CLVS1: variants seen among roughly 807,000 people sequenced by gnomAD.
CLVS1 encodes the protein clavesin 1, also known as clavesin-1.
A neutral mutation model predicts 33.1 loss-of-function variants in CLVS1; 10 were observed. The observed-to-expected ratio is 0.30, with a 90% CI of 0.19 to 0.51. The LOEUF (loss-of-function observed/expected upper bound fraction) is 0.51. Among genes scored for constraint, CLVS1 ranks in the 20% least tolerant of loss-of-function variants. The pLI is 0.97. For synonymous variants in CLVS1, 163 were observed against 166.1 expected (o/e 0.98, Z 0.14); for missense variants, 343 against 433.4 (o/e 0.79, Z 1.85).
intron 2 of CLVS1, among the ~76,000 whole-genome samples, chr8:61,323,782 C>T (rs1348387986): frequency 6.6e-6 from 1 of 152,004 alleles, no homozygotes; most frequent in East Asian, 1.9e-4. Flanking sequence ...ACCCATTAGT[C>T]AGTTTTCTGG....
chr8:61,210,680 T>C (rs1807952255), intron 2 of CLVS1, among the ~76,000 whole-genome samples: 2 of 152,158 alleles, frequency 1.3e-5, no homozygotes, highest in Admixed American at 1.3e-4. Context: ...GCTTATGTAA[T>C]ATCTAGACTT....
At chr8:61,266,724 T>C (rs1392586052) in intron 2 of CLVS1, among the ~76,000 whole-genome samples, 2 of 152,204 alleles carry the variant, frequency 1.3e-5, no homozygotes, top group Admixed American at 6.5e-5. Context: ...ATGGTTCTTT[T>C]CCCCTCTTCC....
chr8:61,049,258 C>A, the CLVS1 span, among the ~76,000 whole-genome samples: 1 of 152,136 alleles, frequency 6.6e-6, no homozygotes, highest in Admixed American at 6.5e-5. Flanking sequence ...TGTCACATGG[C>A]CCGCCCACAA....
chr8:61,202,707 G>A (rs1807760101), intron 2 of CLVS1: 1 of 1,566,756 alleles, frequency 6.4e-7, no homozygotes, highest in African/African-American at 1.3e-5. Flanking sequence ...TAGTAGCTGT[G>A]GAGGAAGATG....
intron 1 of CLVS1, among the ~76,000 whole-genome samples, chr8:61,081,377 T>G (rs1805017167): frequency 6.6e-6 from 1 of 152,128 alleles, no homozygotes; most frequent in Admixed American, 6.5e-5. Context: ...GCAACATAAG[T>G]GTGTCCAAGC....
chr8:61,314,942 G>T (rs1222754514), intron 2 of CLVS1, among the ~76,000 whole-genome samples: 1 of 152,166 alleles, frequency 6.6e-6, no homozygotes, highest in Middle Eastern at 3.2e-3. Flanking sequence ...TAAAGTAAAT[G>T]ATCTGTAGCC....
chr8:61,266,293 CTTTTT>C (rs35496534), intron 2 of CLVS1, among the ~76,000 whole-genome samples: 1 of 139,104 alleles, frequency 7.2e-6, no homozygotes, highest in African/African-American at 2.7e-5. Flanking sequence ...AATTTTCTTT[CTTTTT>C]TTTTTTTTTT....
At chr8:61,312,336 C>G (rs1810859036) in intron 2 of CLVS1, among the ~76,000 whole-genome samples, 1 of 152,214 alleles carries the variant, frequency 6.6e-6, no homozygotes, top group African/African-American at 2.4e-5. Context: ...TGCTTCGCTC[C>G]AGTTGTAAAT....
chr8:61,256,589 A>G (rs1364621018), intron 2 of CLVS1, among the ~76,000 whole-genome samples: 1 of 152,192 alleles, frequency 6.6e-6, no homozygotes, highest in African/African-American at 2.4e-5. Flanking sequence ...CTTTATCTCA[A>G]AAACAAAAAC....
At chr8:61,032,995 AAG>A in the CLVS1 span, among the ~76,000 whole-genome samples, 314 of 53,472 alleles carry the variant, frequency 5.9e-3, 8 homozygotes, top group African/African-American at 0.021. Context: ...GAAGGAAGGA[AAG>A]AAAGAAAGAA....
chr8:61,392,130 C>A (rs1402592575), intron 3 of CLVS1, among the ~76,000 whole-genome samples: 1 of 152,094 alleles, frequency 6.6e-6, no homozygotes, highest in Non-Finnish European at 1.5e-5. Context: ...TGAGAGCTGT[C>A]CTAGCCTGGG....
rs77036827 is a variant in CLVS1, at chr8:61,320,493, G to A, written c.455+20211G>A. Among the ~76,000 whole-genome samples the A allele has an allele frequency of 0.011, 1,722 of 152,152 alleles. 96 individuals are homozygous for A. In the East Asian group the frequency reaches 0.18, roughly 16 times the overall value. ...AACTCTTACAGTAAATACAAAATTA[G>A]TAGTTTTAAAACCATTTGAATTAGT... On this transcript the variant is annotated intron_variant, in intron 2 of 5. Coordinates refer to ENST00000325897, the MANE Select transcript of CLVS1 (RefSeq NM_173519.3).
At chr8:61,375,743 C>A (rs1446515185) in intron 2 of CLVS1, among the ~76,000 whole-genome samples, 2 of 152,140 alleles carry the variant, frequency 1.3e-5, no homozygotes, top group African/African-American at 2.4e-5. Flanking sequence ...TTTTCCTGCT[C>A]ACCAAAGAAA....
At chr8:61,392,564 G>A (rs1183532435) in intron 3 of CLVS1, among the ~76,000 whole-genome samples, 4 of 152,068 alleles carry the variant, frequency 2.6e-5, no homozygotes, top group Non-Finnish European at 5.9e-5. Flanking sequence ...CCTCACTTAT[G>A]ATTAGAATGA....
At chr8:61,404,865 G>A (rs1278884859) in intron 3 of CLVS1, among the ~76,000 whole-genome samples, 1 of 152,126 alleles carries the variant, frequency 6.6e-6, no homozygotes, top group Non-Finnish European at 1.5e-5. Flanking sequence ...GCCCCAAGAT[G>A]AACACCATGG....
chr8:61,016,388 C>A, the CLVS1 span, among the ~76,000 whole-genome samples: 1 of 152,228 alleles, frequency 6.6e-6, no homozygotes, highest in Non-Finnish European at 1.5e-5. Context: ...CTTAATCCCA[C>A]TCTTAAGAGG....
chr8:61,092,878 T>C (rs1303713684), intron 1 of CLVS1, among the ~76,000 whole-genome samples: 1 of 152,184 alleles, frequency 6.6e-6, no homozygotes, highest in Non-Finnish European at 1.5e-5. Context: ...GAGGCCATTA[T>C]TCTGCTTCCC....
At chr8:61,343,397 T>C (rs1383421695) in intron 2 of CLVS1, among the ~76,000 whole-genome samples, 1 of 152,204 alleles carries the variant, frequency 6.6e-6, no homozygotes, top group Non-Finnish European at 1.5e-5. Context: ...TAATAGTATG[T>C]TGAAAGATCA....
chr8:61,072,061 A>T (rs2129280447), intron 1 of CLVS1, among the ~76,000 whole-genome samples: 1 of 152,266 alleles, frequency 6.6e-6, no homozygotes. Flanking sequence ...ATGCGGGTGA[A>T]TGGCCACCTC....
Sources: gnomAD v4.1 joint callset for allele counts (sites outside exome capture counted in the v4.1 genomes callset) on GRCh38, gnomAD v4.1.1 for gene constraint, MANE v1.5 for transcripts, NCBI Gene and HGNC (gene_info 2026-07-23, HGNC 2026-07-21) for gene names.